Variants in PPP2R3A observed in about 807,000 individuals in gnomAD.
PPP2R3A encodes serine/threonine-protein phosphatase 2A regulatory subunit B'' subunit alpha.
In PPP2R3A, 80 loss-of-function variants were observed where a neutral mutation model predicts 106.9. That is an observed-to-expected ratio of 0.75 (90% CI 0.62 to 0.90). The LOEUF (loss-of-function observed/expected upper bound fraction) is 0.90, where lower values mean the gene tolerates loss of function less well. Ranked by LOEUF, PPP2R3A falls within the 40% of genes least tolerant of loss-of-function variation. The pLI, the probability that PPP2R3A is intolerant of heterozygous loss-of-function variation, is 0.00. For missense variants in PPP2R3A, 1,386 were observed against 1,350.4 expected, an observed-to-expected ratio of 1.03 and a Z score of -0.41; for synonymous variants, 483 against 468.3, an observed-to-expected ratio of 1.03 and a Z score of -0.41.
chr3:136,111,290 G>C (rs1937587627), intron 13 of PPP2R3A, among the ~76,000 whole-genome samples: 1 of 152,088 alleles, frequency 6.6e-6, no homozygotes, highest in Non-Finnish European at 1.5e-5. Flanking sequence ...TATAGACATT[G>C]ATAAAGTTGT....
Position 136,013,180 on chromosome 3 carries a change from GTGTATGTA to G in PPP2R3A, c.1995+9729_1995+9736del, listed in dbSNP as rs201268370. Among the ~76,000 whole-genome samples, 1,077 of 142,172 alleles carry G rather than the reference GTGTATGTA, an allele frequency of 7.6e-3. 4 individuals carry two copies. Among genetic ancestry groups the G allele is most frequent in the Non-Finnish European group, 8.9e-3 (561 of 63,272 alleles). 93.3% of individuals were successfully genotyped at this position (142,172 alleles called of 152,430 possible). On this transcript the variant is annotated intron_variant, in intron 2 of 13. Coordinates refer to ENST00000264977, the MANE Select transcript of PPP2R3A (RefSeq NM_002718.5). ...ATGGTGTGTGTGTGTGTGTGTGTGTGTGTATGTATGTATGTATGTATGTATGTATGTAT... is the reference window on the plus strand; with the variant it reads ...ATGGTGTGTGTGTGTGTGTGTGTGTGTGTATGTATGTATGTATGTATGTAT...
Position 136,146,728 on chromosome 3 carries a change from G to A in PPP2R3A, c.*1562G>A, listed in dbSNP as rs1189936356. The A allele has an allele frequency of 6.6e-6, 1 of 151,740 alleles. No homozygotes were observed. Among genetic ancestry groups the A allele is most frequent in the East Asian group, 1.9e-4 (1 of 5,176 alleles). 9.4% of individuals were successfully genotyped at this position (151,740 alleles called of 1,614,324 possible). On this transcript the variant is annotated 3_prime_UTR_variant, in exon 14 of 14. Transcript: ENST00000264977. ...ATTAAAAGCTTAAAAATAATTTTTA[G>A]GAAACACAATATTCAAAATCTAAAC...
chr3:135,987,749 C>T (rs1285454556), intron 1 of PPP2R3A, among the ~76,000 whole-genome samples: 1 of 152,158 alleles, frequency 6.6e-6, no homozygotes, highest in African/African-American at 2.4e-5. Flanking sequence ...TAGATCTACA[C>T]TGTCTAGTAC....
At chr3:135,984,949 A>AC (rs1937586544) in intron 1 of PPP2R3A, among the ~76,000 whole-genome samples, 1 of 151,980 alleles carries the variant, frequency 6.6e-6, no homozygotes. Context: ...CATTTTTAAA[A>AC]CCATCAGATC....
chr3:135,977,385 T>A (rs555339202), intron 1 of PPP2R3A, among the ~76,000 whole-genome samples: 1 of 152,360 alleles, frequency 6.6e-6, no homozygotes, highest in Admixed American at 6.5e-5. Context: ...CACTTAAAGA[T>A]AACAGTTTGA....
In PPP2R3A at chr3:135,982,267, C is replaced by CAA. The variant is rs559501584; in HGVS notation, c.-441+16418_-441+16419insAA. Among the ~76,000 whole-genome samples, 68 of 149,128 alleles carry CAA rather than the reference C, an allele frequency of 4.6e-4. 1 individual carries two copies. Among genetic ancestry groups the CAA allele is most frequent in the Middle Eastern group, 3.4e-3 (1 of 294 alleles). The stretch of plus-strand genomic sequence containing the variant: ...AAAAGTTCTGTTTCACAATAATGTA[C>CAA]TCCAGTTGTGCATCTACTGGGTCAT... On this transcript the variant is annotated intron_variant, in intron 1 of 13. Transcript: ENST00000264977.
At chr3:136,066,015 C>G (rs1209477515) in intron 5 of PPP2R3A, among the ~76,000 whole-genome samples, 1 of 152,116 alleles carries the variant, frequency 6.6e-6, no homozygotes, top group East Asian at 1.9e-4. Context: ...TTGCAGACAC[C>G]TAGGAAAATA....
chr3:136,079,033 T>A (rs1936691986), intron 7 of PPP2R3A: 1 of 297,754 alleles, frequency 3.4e-6, no homozygotes, highest in Non-Finnish European at 6.9e-6. Flanking sequence ...AAAGTGAAAT[T>A]GTTCACACTT....
At chr3:136,116,579 A>G (rs1288061581) in intron 13 of PPP2R3A, among the ~76,000 whole-genome samples, 1 of 152,240 alleles carries the variant, frequency 6.6e-6, no homozygotes, top group Non-Finnish European at 1.5e-5. Flanking sequence ...AGAAAGAAGC[A>G]GGAGTTCCAA....
intron 13 of PPP2R3A, among the ~76,000 whole-genome samples, chr3:136,134,171 T>C (rs1938523193): frequency 6.6e-6 from 1 of 152,216 alleles, no homozygotes; most frequent in South Asian, 2.1e-4. Context: ...GTGTCTTCAC[T>C]GCTGTCTCAT....
chr3:136,083,205 T>C (rs1936834762), intron 8 of PPP2R3A, among the ~76,000 whole-genome samples: 1 of 152,064 alleles, frequency 6.6e-6, no homozygotes, highest in South Asian at 2.1e-4. Flanking sequence ...TTTGTAAAGA[T>C]GGTGGTATGG....
At chr3:136,013,216 A>G (rs1934151100) in intron 2 of PPP2R3A, among the ~76,000 whole-genome samples, 1 of 150,516 alleles carries the variant, frequency 6.6e-6, no homozygotes, top group Admixed American at 6.6e-5. Flanking sequence ...GTATGTATGT[A>G]TGTATGTATG....
intron 1 of PPP2R3A, among the ~76,000 whole-genome samples, chr3:135,973,114 A>G (rs1937293339): frequency 6.6e-6 from 1 of 152,160 alleles, no homozygotes; most frequent in African/African-American, 2.4e-5. Flanking sequence ...TAATTATTGT[A>G]TGTGAGGTAA....
chr3:136,034,039 C>CT (rs71157353), intron 3 of PPP2R3A, among the ~76,000 whole-genome samples: 7,041 of 131,316 alleles, frequency 0.054, 267 homozygotes, highest in East Asian at 0.17. Flanking sequence ...TTTTCTTTTT[C>CT]TTTTTTTTTT....
At chr3:136,120,425 T>C (rs1937950449) in intron 13 of PPP2R3A, among the ~76,000 whole-genome samples, 1 of 151,878 alleles carries the variant, frequency 6.6e-6, no homozygotes, top group East Asian at 1.9e-4. Flanking sequence ...TCATCTCTAC[T>C]AAAAACACAA....
chr3:135,981,591 T>C (rs147582492), intron 1 of PPP2R3A, among the ~76,000 whole-genome samples: 8 of 151,966 alleles, frequency 5.3e-5, no homozygotes, highest in East Asian at 1.9e-4. Flanking sequence ...TGAGTACTTA[T>C]ATATACTAGG....
rs1937425276 is a variant in PPP2R3A, at chr3:136,103,275, G to A, written c.3121G>A (p.Asp1041Asn). 6.2e-7 allele frequency: 1 copy of A among 1,602,384 alleles called. No homozygotes were observed. The highest frequency in any genetic ancestry group is 1.7e-5 in the Admixed American group (1 of 59,540). Residue 1041 changes from aspartate (D) to asparagine (N), a missense_variant, in exon 12 of 14, where the codon GAT (aspartate) becomes AAT (asparagine). Transcript: ENST00000264977. The part of the protein sequence containing the change: ...PAVDGKITLR[D>N]LKRCRMAHIF... ...TTATGTAGGCAAAATAACTCTAAGAGATCTGAAGAGGTGCAGAATGGCTCA... is the reference window on the plus strand; with the variant it reads ...TTATGTAGGCAAAATAACTCTAAGAAATCTGAAGAGGTGCAGAATGGCTCA...
chr3:136,139,857 T>C (rs1015865301), intron 13 of PPP2R3A, among the ~76,000 whole-genome samples: 3 of 150,564 alleles, frequency 2.0e-5, no homozygotes, highest in Non-Finnish European at 3.0e-5. Context: ...ATAAAAAAAA[T>C]TAGCTAGGTG....
chr3:136,097,695 T>G (rs974716263), intron 10 of PPP2R3A, among the ~76,000 whole-genome samples: 6 of 152,248 alleles, frequency 3.9e-5, no homozygotes, highest in African/African-American at 1.4e-4. Context: ...CAAGATTTAC[T>G]TTATTCCCTT....
Sources: allele counts gnomAD v4.1 joint callset (sites outside exome capture counted in the v4.1 genomes callset), GRCh38; gene constraint gnomAD v4.1.1; transcripts MANE v1.5; gene names NCBI Gene and HGNC (gene_info 2026-07-23, HGNC 2026-07-21).